Variants in EIF5 observed in about 807,000 individuals in gnomAD.
The protein encoded by EIF5 is eukaryotic translation initiation factor 5.
Under a neutral mutation model 48.3 loss-of-function variants are expected in EIF5, and 10 were observed. The ratio of observed to expected loss-of-function variants is 0.21; its 90% confidence interval spans 0.13 to 0.35. EIF5 has a LOEUF of 0.35. Ranked by LOEUF, EIF5 falls within the 10% of genes least tolerant of loss-of-function variation. The probability of loss-of-function intolerance (pLI) is 1.00; values close to 1 mark genes in which losing one functional copy is unlikely to be tolerated. For synonymous variants in EIF5, 237 were observed against 173.1 expected (o/e 1.37, Z -2.90); for missense variants, 397 against 533.2 (o/e 0.74, Z 2.51).
At chr14:103,336,967 GT>G (rs2089294135) in intron 5 of EIF5, 118 bp downstream of exon 5, 3 of 1,410,302 alleles carry the variant, frequency 2.1e-6, no homozygotes, top group African/African-American at 2.9e-5. Context: ...CAAAACTCCA[GT>G]TTTCGAGATA....
At chr14:103,339,367 TAC>T in intron 9 of EIF5, 34 bp downstream of exon 9, 1 of 1,568,750 alleles carries the variant, frequency 6.4e-7, no homozygotes. Context: ...TAAATGAGAT[TAC>T]AGTTGTGTGG....
At chr14:103,336,987 C>CT (rs1360169950) in intron 5 of EIF5, 129 bp from the exon 6 acceptor site, 58 of 1,371,828 alleles carry the variant, frequency 4.2e-5, no homozygotes, top group Admixed American at 5.2e-5. Flanking sequence ...TATTTCCATT[C>CT]TTTTTTTTAA....
At position 103,336,234 on chromosome 14, in the gene EIF5, G is replaced by C; in HGVS notation, c.154+117G>C. 10 of 1,081,462 alleles carry C rather than the reference G, an allele frequency of 9.2e-6. No homozygotes were observed. In the South Asian group the frequency reaches 1.3e-4, roughly 14 times the overall value. 67.0% of individuals were successfully genotyped at this position (1,081,462 alleles called of 1,614,324 possible). On this transcript the variant is annotated intron_variant, in intron 4 of 11. Transcript: ENST00000216554. ...CTAATTACCTTACAAGTTAAGTGAGGAACCGTGGTTTATTGGTTGCCATGA... is the reference window on the plus strand; with the variant it reads ...CTAATTACCTTACAAGTTAAGTGAGCAACCGTGGTTTATTGGTTGCCATGA...
At chr14:103,337,867 G>A in intron 6 of EIF5, 1 of 520,110 alleles carries the variant, frequency 1.9e-6, no homozygotes, top group South Asian at 1.4e-5. Context: ...CTCTGTGGCA[G>A]ATGATCAAAA....
intron 4 of EIF5, 113 bp from the exon 5 acceptor site, chr14:103,336,564 G>A (rs547340206): frequency 1.7e-6 from 2 of 1,163,554 alleles, no homozygotes; most frequent in Admixed American, 2.9e-5. Flanking sequence ...CTGGGTGACA[G>A]AGTGAGACTC....
rs2089362700 is a variant in EIF5 at position 103,342,278 on chromosome 14, A to G, written c.*1226A>G. Reference sequence around the variant, plus strand: ...TATAGCCAGGCACCCAAGAAGTCTGATGGCCACCTGAGTGCAGGTGACAAG... The same window carrying G: ...TATAGCCAGGCACCCAAGAAGTCTGGTGGCCACCTGAGTGCAGGTGACAAG... On this transcript the variant is annotated 3_prime_UTR_variant, in exon 12 of 12. Coordinates refer to ENST00000216554, the MANE Select transcript of EIF5 (RefSeq NM_001969.5). The G allele has an allele frequency of 2.0e-5, 3 of 152,420 alleles. No individual in the cohort carries two copies. In the East Asian group the frequency reaches 5.8e-4, roughly 29 times the overall value. 9.4% of individuals were successfully genotyped at this position (152,420 alleles called of 1,614,324 possible).
chr14:103,339,498 G>A, intron 9 of EIF5, 141 bp from the exon 10 acceptor site: 1 of 1,425,820 alleles, frequency 7.0e-7, no homozygotes, highest in South Asian at 1.3e-5. Flanking sequence ...CCCTTACAAA[G>A]TAACAGGGAT....
Position 103,336,105 on chromosome 14 carries a change from C to A in EIF5, c.142C>A (p.Arg48=). The A allele has an allele frequency of 6.2e-7, 1 of 1,614,032 alleles. No homozygotes were observed. The highest frequency in any genetic ancestry group is 8.5e-7 in the Non-Finnish European group (1 of 1,179,958). Residue 48 remains arginine, a synonymous_variant, in exon 4 of 12, where the codon CGG becomes AGG. Coordinates refer to ENST00000216554, the MANE Select transcript of EIF5 (RefSeq NM_001969.5). ...GGTTGACGTTGCAAAGGCGCTTAAT[C>A]GGCCTCCAACGTGTAAGTAAAGCTT... ...NMVDVAKALN[R]PPTYPTKYFG...
intron 1 of EIF5, 24 bp from the exon 2 acceptor site, chr14:103,334,365 C>T (rs986475659): frequency 6.6e-6 from 1 of 152,236 alleles, no homozygotes; most frequent in East Asian, 2.0e-4. Context: ...GCCCACGGCT[C>T]ACGGCGCCGT....
chr14:103,336,454 G>A (rs985036946), intron 4 of EIF5: 10 of 565,188 alleles, frequency 1.8e-5, no homozygotes, highest in African/African-American at 5.7e-5. Context: ...GGTGGCATGC[G>A]CTTGTAGTCC....
rs901279790 is a variant in EIF5 at position 103,344,607 on chromosome 14, ATGC to A, written c.*3559_*3561del. On this transcript the variant is annotated 3_prime_UTR_variant, in exon 12 of 12. Coordinates refer to ENST00000216554, the MANE Select transcript of EIF5 (RefSeq NM_001969.5). ...AGCACTCAATCCCACTGGAAGCCTA[ATGC>A]TGCAGTCAGAAGCAATGCCTGGCTG... The A allele has an allele frequency of 3.3e-5, 5 of 152,228 alleles. No individual in the cohort carries two copies. Among genetic ancestry groups the A allele is most frequent in the Admixed American group, 2.0e-4 (3 of 15,288 alleles). 9.4% of individuals were successfully genotyped at this position (152,228 alleles called of 1,614,324 possible).
intron 6 of EIF5, 152 bp from the exon 7 acceptor site, chr14:103,338,175 T>G (rs987042725): frequency 9.6e-7 from 1 of 1,040,912 alleles, no homozygotes; most frequent in Admixed American, 2.3e-5. Flanking sequence ...ATGAATTTGA[T>G]CTGTGAAGCC....
At position 103,342,916 on chromosome 14, in the gene EIF5, C is replaced by G. The variant is rs760982487; in HGVS notation, c.*1864C>G. ...TGCACTCAGCATACTCAGTGTCAAG[C>G]TAATGAGGTTCTATTATAAAGGTTC... On this transcript the variant is annotated 3_prime_UTR_variant, in exon 12 of 12. Transcript: ENST00000216554. The G allele has an allele frequency of 6.6e-6, 1 of 152,616 alleles. No homozygotes were observed. Among genetic ancestry groups the G allele is most frequent in the Non-Finnish European group, 1.5e-5 (1 of 68,042 alleles). The allele number at this position is 152,616 out of a possible 1,614,324, so 9.5% of individuals were successfully genotyped here.
chr14:103,337,781 C>G (rs1217226461), intron 6 of EIF5: 1 of 453,758 alleles, frequency 2.2e-6, no homozygotes, highest in Non-Finnish European at 4.3e-6. Flanking sequence ...CTGCTGGAAA[C>G]CCAGCAAAGT....
intron 9 of EIF5, 131 bp downstream of exon 9, chr14:103,339,464 G>C (rs1332885085): frequency 7.1e-7 from 1 of 1,404,898 alleles, no homozygotes; most frequent in African/African-American, 1.4e-5. Context: ...AAGCCTCTGA[G>C]TATCTGAAAG....
At position 103,338,367 on chromosome 14, in the gene EIF5, GAA is replaced by G; in HGVS notation, c.484_485del (p.Asn162GlnfsTer15). ...SGTGKKEKEK[K>X]NRKGKDKENG... ...GTACAGGAAAGAAAGAAAAAGAAAAGAAAAACAGAAAGGGCAAAGACAAGGAA... is the reference window on the plus strand; with the variant it reads ...GTACAGGAAAGAAAGAAAAAGAAAAGAAACAGAAAGGGCAAAGACAAGGAA... On this transcript the variant is annotated frameshift_variant, in exon 7 of 12. Transcript: ENST00000216554. LOFTEE classifies it high-confidence loss of function. The G allele has an allele frequency of 6.2e-7, 1 of 1,614,010 alleles. No homozygotes were observed. The highest frequency in any genetic ancestry group is 8.5e-7 in the Non-Finnish European group (1 of 1,179,954).
At chr14:103,340,380 A>G in intron 10 of EIF5, 47 bp from the exon 11 acceptor site, 1 of 1,577,968 alleles carries the variant, frequency 6.3e-7, no homozygotes, top group Non-Finnish European at 8.7e-7. Flanking sequence ...AATAATCAAA[A>G]GTTGTTAAAA....
intron 8 of EIF5, 131 bp from the exon 9 acceptor site, chr14:103,339,041 T>A: frequency 6.8e-7 from 1 of 1,470,230 alleles, no homozygotes. Context: ...TGCGCGTGAT[T>A]CCAGGCACTA....
chr14:103,340,478 G>A lies in EIF5; in HGVS notation c.1123G>A (p.Ala375Thr). ...ACTTGCCAAAGAGATTCGTGTCAAA[G>A]CAGAACCATTTATAAAATGGTTGAA... ...KELAKEIRVK[A>T]EPFIKWLKEA... The change falls in exon 11 of 12, where the codon GCA (alanine) becomes ACA (threonine). Residue 375 changes from alanine to threonine, a missense_variant. This residue lies in a region of EIF5 where 160 missense variants were observed against 184.8 expected (regional missense o/e 0.87). Coordinates refer to ENST00000216554, the MANE Select transcript of EIF5 (RefSeq NM_001969.5). 6.2e-7 allele frequency: 1 copy of A among 1,611,978 alleles called. No individual in the cohort carries two copies. Among genetic ancestry groups the A allele is most frequent in the Non-Finnish European group, 8.5e-7 (1 of 1,178,158 alleles).
Sources: allele counts gnomAD v4.1 joint callset, GRCh38; gene constraint gnomAD v4.1.1; regional missense constraint gnomAD v4.1.1; transcripts MANE v1.5; gene names NCBI Gene and HGNC (gene_info 2026-07-23, HGNC 2026-07-21).